Variants in GRHL2 observed in about 807,000 individuals in gnomAD.
GRHL2 encodes the protein grainyhead-like protein 2 homolog.
In GRHL2, 21 loss-of-function variants were observed where a neutral mutation model predicts 83.8. The ratio of observed to expected loss-of-function variants is 0.25; its 90% CI spans 0.18 to 0.36. The LOEUF is 0.36. Among genes scored for constraint, GRHL2 ranks in the 10% least tolerant of loss-of-function variants. The pLI, the probability that GRHL2 is intolerant of heterozygous loss-of-function variation, is 1.00. For synonymous variants in GRHL2, 280 were observed against 278.9 expected, an observed-to-expected ratio of 1.00 and a Z score of -0.04; for missense variants, 623 against 781.8, an observed-to-expected ratio of 0.80 and a Z score of 2.42.
At chr8:101,556,671 A>C (rs1811494089) in intron 3 of GRHL2, among the ~76,000 whole-genome samples, 1 of 152,158 alleles carries the variant, frequency 6.6e-6, no homozygotes, top group South Asian at 2.1e-4. Flanking sequence ...AAGCTACACC[A>C]CTTCCTTAAG....
chr8:101,528,442 T>C (rs1014818842), intron 1 of GRHL2, among the ~76,000 whole-genome samples: 1 of 151,812 alleles, frequency 6.6e-6, no homozygotes, highest in South Asian at 2.1e-4. Context: ...TTTTTTTTTT[T>C]AACTAACAAG....
chr8:101,648,219 G>T (rs1239089331), intron 13 of GRHL2, among the ~76,000 whole-genome samples: 1 of 152,192 alleles, frequency 6.6e-6, no homozygotes, highest in Non-Finnish European at 1.5e-5. Context: ...AAGGGCAATG[G>T]TGGCAGAAGG....
At chr8:101,536,950 C>A (rs768457181) in intron 1 of GRHL2, among the ~76,000 whole-genome samples, 1 of 151,564 alleles carries the variant, frequency 6.6e-6, no homozygotes. Context: ...CTCTGGTAGG[C>A]ACCAGTGTCT....
At chr8:101,537,625 A>T (rs1811069559) in intron 1 of GRHL2, among the ~76,000 whole-genome samples, 1 of 152,220 alleles carries the variant, frequency 6.6e-6, no homozygotes, top group African/African-American at 2.4e-5. Context: ...TGATTCCTTT[A>T]GAATAATATT....
chr8:101,498,167 G>T (rs532807419), intron 1 of GRHL2, among the ~76,000 whole-genome samples: 2 of 152,086 alleles, frequency 1.3e-5, no homozygotes, highest in Non-Finnish European at 2.9e-5. Context: ...TGCCCAGGCC[G>T]GAGTGCACTG....
chr8:101,508,863 A>C (rs1810392034), intron 1 of GRHL2, among the ~76,000 whole-genome samples: 1 of 152,214 alleles, frequency 6.6e-6, no homozygotes, highest in African/African-American at 2.4e-5. Context: ...TCAAGGTTTA[A>C]GATTGTAATT....
At chr8:101,574,072 C>T (rs1193033401) in intron 6 of GRHL2, among the ~76,000 whole-genome samples, 2 of 152,156 alleles carry the variant, frequency 1.3e-5, no homozygotes, top group East Asian at 1.9e-4. Flanking sequence ...GGAATTTTCC[C>T]GCTTCACTCA....
chr8:101,511,771 A>G (rs1049927802), intron 1 of GRHL2, among the ~76,000 whole-genome samples: 9 of 151,932 alleles, frequency 5.9e-5, no homozygotes, highest in African/African-American at 2.2e-4. Context: ...TTTCTCCTAA[A>G]TTTTATTCTA....
downstream of GRHL2, among the ~76,000 whole-genome samples, chr8:101,673,980 G>T (rs577386462): frequency 8.3e-4 from 127 of 152,178 alleles, 1 homozygote; most frequent in African/African-American, 2.9e-3. Context: ...CGAAATGTAG[G>T]CAGAAATAAA....
intron 11 of GRHL2, among the ~76,000 whole-genome samples, chr8:101,634,493 C>A (rs1416921749): frequency 4.6e-5 from 7 of 152,292 alleles, no homozygotes; most frequent in Non-Finnish European, 8.8e-5. Flanking sequence ...ACCTGCAGAA[C>A]AAGAGCCAGC....
intron 1 of GRHL2, among the ~76,000 whole-genome samples, chr8:101,518,205 A>G (rs1457471006): frequency 2.0e-5 from 3 of 152,180 alleles, no homozygotes; most frequent in African/African-American, 4.8e-5. Flanking sequence ...TTAGAAAATC[A>G]TTAATCCAGC....
chr8:101,668,538 T>A lies in GRHL2; in HGVS notation c.*1835T>A, dbSNP rs898750418. 6.5e-6 allele frequency: 1 copy of A among 152,900 alleles called. No homozygotes were observed. The highest frequency in any genetic ancestry group is 1.5e-5 in the Non-Finnish European group (1 of 68,276). The allele number at this position is 152,900 out of a possible 1,614,324, so 9.5% of individuals were successfully genotyped here. On this transcript the variant is annotated 3_prime_UTR_variant, in exon 16 of 16. Coordinates refer to ENST00000646743, the MANE Select transcript of GRHL2 (RefSeq NM_024915.4). ...CTTGCTGTGTGTCCTCTGGGCATGTTAACCCTTCTGTGGGGCCAAAGGTTT... is the reference window on the plus strand; with the variant it reads ...CTTGCTGTGTGTCCTCTGGGCATGTAAACCCTTCTGTGGGGCCAAAGGTTT...
intron 4 of GRHL2, among the ~76,000 whole-genome samples, chr8:101,561,062 A>G (rs1315565400): frequency 6.6e-6 from 1 of 151,688 alleles, no homozygotes; most frequent in Non-Finnish European, 1.5e-5. Context: ...CCCTAACCCA[A>G]TGTCACAAAC....
intron 6 of GRHL2, among the ~76,000 whole-genome samples, chr8:101,575,455 G>A (rs140700403): frequency 6.7e-4 from 102 of 152,148 alleles, no homozygotes; most frequent in Non-Finnish European, 1.2e-3. Context: ...TTCTTGGAAG[G>A]ACTTCAACCT....
chr8:101,509,107 C>CTCTCCTTCCTTCCTTCCT (rs1810398009), intron 1 of GRHL2, among the ~76,000 whole-genome samples: 1 of 94,858 alleles, frequency 1.1e-5, no homozygotes, highest in African/African-American at 4.4e-5. Context: ...CTTTCTTTCT[C>CTCTCCTTCCTTCCTTCCT]TCCTTCCTTC....
chr8:101,598,645 C>T (rs1377199408), intron 7 of GRHL2, among the ~76,000 whole-genome samples: 3 of 128,456 alleles, frequency 2.3e-5, no homozygotes, highest in Non-Finnish European at 3.2e-5. Context: ...GGCTGATAAA[C>T]AGAATATTCT....
chr8:101,499,843 C>A (rs1307183005), intron 1 of GRHL2, among the ~76,000 whole-genome samples: 1 of 151,946 alleles, frequency 6.6e-6, no homozygotes, highest in South Asian at 2.1e-4. Flanking sequence ...TTTGGGAAGC[C>A]GAGGCAGGCA....
At chr8:101,557,805 T>C (rs368213866) in intron 3 of GRHL2, among the ~76,000 whole-genome samples, 2 of 152,178 alleles carry the variant, frequency 1.3e-5, no homozygotes, top group African/African-American at 4.8e-5. Flanking sequence ...AGTCATTCTT[T>C]GTGTTCCTGT....
At chr8:101,522,014 A>G (rs1388467742) in intron 1 of GRHL2, among the ~76,000 whole-genome samples, 1 of 152,192 alleles carries the variant, frequency 6.6e-6, no homozygotes, top group Non-Finnish European at 1.5e-5. Flanking sequence ...GAATGGAGGA[A>G]GAAAACTTTG....
Sources: allele counts gnomAD v4.1 joint callset (sites outside exome capture counted in the v4.1 genomes callset), GRCh38; gene constraint gnomAD v4.1.1; transcripts MANE v1.5; gene names NCBI Gene and HGNC (gene_info 2026-07-23, HGNC 2026-07-21).